GRID1: variants seen among roughly 807,000 people sequenced by gnomAD.
GRID1 encodes the protein glutamate ionotropic receptor delta type subunit 1.
A neutral mutation model predicts 98.0 loss-of-function variants in GRID1; 28 were observed. The ratio of observed to expected loss-of-function variants is 0.29; its 90% CI spans 0.21 to 0.39. The LOEUF (loss-of-function observed/expected upper bound fraction) is 0.39. Among genes scored for constraint, GRID1 ranks in the 10% least tolerant of loss-of-function variants. The pLI is 1.00. For synonymous variants in GRID1, 553 were observed against 538.5 expected, an observed-to-expected ratio of 1.03 and a Z score of -0.37; for missense variants, 1,111 against 1,340.5, an observed-to-expected ratio of 0.83 and a Z score of 2.67.
At chr10:86,138,570 T>C (rs1279464194) in intron 4 of GRID1, among the ~76,000 whole-genome samples, 1 of 152,070 alleles carries the variant, frequency 6.6e-6, no homozygotes, top group Non-Finnish European at 1.5e-5. Flanking sequence ...GTAAACAGGC[T>C]TCCACCAGCC....
intron 2 of GRID1, among the ~76,000 whole-genome samples, chr10:86,341,402 C>T (rs902873707): frequency 4.6e-5 from 7 of 152,230 alleles, no homozygotes; most frequent in Middle Eastern, 3.4e-3. Context: ...GGTACTTACG[C>T]GGGTGCCCCT....
At chr10:85,792,247 C>T (rs192301177) in intron 8 of GRID1, among the ~76,000 whole-genome samples, 262 of 152,272 alleles carry the variant, frequency 1.7e-3, no homozygotes, top group African/African-American at 6.1e-3. Flanking sequence ...CTGACGGTGG[C>T]AGCAGTCGCA....
At chr10:86,114,072 T>C (rs1844534164) in intron 4 of GRID1, among the ~76,000 whole-genome samples, 1 of 151,890 alleles carries the variant, frequency 6.6e-6, no homozygotes, top group Non-Finnish European at 1.5e-5. Flanking sequence ...GTTTCCTCCA[T>C]CTCGGTGGGA....
intron 5 of GRID1, among the ~76,000 whole-genome samples, chr10:85,870,304 T>C (rs1005922658): frequency 6.6e-6 from 1 of 152,218 alleles, no homozygotes; most frequent in African/African-American, 2.4e-5. Context: ...TTTTGGACTC[T>C]TGTACTTACA....
In GRID1 at chr10:85,917,108, C is replaced by T. The variant is rs1018455852; in HGVS notation, c.727-869G>A. On this transcript the variant is annotated intron_variant, in intron 4 of 15. Coordinates refer to ENST00000327946, the MANE Select transcript of GRID1 (RefSeq NM_017551.3). ...CTTTCCCTCTCCTTCAATTGAAAAG[C>T]CAACAGATTGGAAGAATTGGAAGAG... 2.0e-5 allele frequency among the ~76,000 whole-genome samples: 3 copies of T among 152,216 alleles called. No homozygotes were observed. The East Asian group carries it at 5.8e-4, about 30-fold the overall frequency.
At chr10:86,119,192 G>A (rs557527508) in intron 4 of GRID1, among the ~76,000 whole-genome samples, 9 of 152,046 alleles carry the variant, frequency 5.9e-5, no homozygotes, top group Admixed American at 2.6e-4. Context: ...AAAATTATCC[G>A]GGCATGGTGG....
intron 4 of GRID1, among the ~76,000 whole-genome samples, chr10:86,066,966 T>C (rs1843728258): frequency 1.3e-5 from 2 of 152,162 alleles, no homozygotes; most frequent in African/African-American, 4.8e-5. Context: ...CATGAAGCCC[T>C]TGAAACTACA....
In GRID1 at chr10:85,681,097, T is replaced by A. The variant is rs56308410; in HGVS notation, c.1998-33700A>T. ...CGTCACTACGCAATATATCCATGCA[T>A]CAAAACTGCACTTGTACTCTCTCAA... On this transcript the variant is annotated intron_variant, in intron 12 of 15. Transcript: ENST00000327946. 3.2e-3 allele frequency among the ~76,000 whole-genome samples: 489 copies of A among 152,260 alleles called. 3 individuals carry two copies. The highest frequency in any genetic ancestry group is 0.011 in the African/African-American group (477 of 41,538).
intron 12 of GRID1, among the ~76,000 whole-genome samples, chr10:85,659,967 C>A (rs1840947004): frequency 6.6e-6 from 1 of 152,200 alleles, no homozygotes; most frequent in Admixed American, 6.5e-5. Context: ...CTCCAAGATG[C>A]CTGAGCTATC....
chr10:86,136,991 C>CA (rs796904650), intron 4 of GRID1, among the ~76,000 whole-genome samples: 25 of 147,182 alleles, frequency 1.7e-4, no homozygotes, highest in East Asian at 3.9e-4. Context: ...AATGGTCTGA[C>CA]AAAAAAAAAA....
intron 5 of GRID1, among the ~76,000 whole-genome samples, chr10:85,870,310 T>C (rs1057090067): frequency 1.3e-5 from 2 of 152,194 alleles, no homozygotes; most frequent in Admixed American, 1.3e-4. Flanking sequence ...ACTCTTGTAC[T>C]TACACCAGCG....
At chr10:85,646,902 C>T (rs753380614) in intron 13 of GRID1, 7 of 410,350 alleles carry the variant, frequency 1.7e-5, no homozygotes, top group Admixed American at 7.1e-5. Context: ...GTTCTCACCT[C>T]GGGTGGACAG....
chr10:85,863,235 C>T (rs530037852), intron 6 of GRID1, among the ~76,000 whole-genome samples: 72 of 152,294 alleles, frequency 4.7e-4, no homozygotes, highest in African/African-American at 1.6e-3. Context: ...CTGGTGAGGA[C>T]GTGCTTTTTG....
Position 85,735,350 on chromosome 10 carries a change from G to A in GRID1, c.1234-5736C>T, listed in dbSNP as rs945755646. Among the ~76,000 whole-genome samples the A allele has an allele frequency of 5.3e-5, 8 of 152,158 alleles. No individual in the cohort carries two copies. In the South Asian group the frequency reaches 1.7e-3, roughly 32 times the overall value. On this transcript the variant is annotated intron_variant, in intron 8 of 15. Transcript: ENST00000327946. ...TCTACCCAAACCAGAAATGTGGATG[G>A]AGCCAGAGGTTATAGCACAATCATC...
chr10:85,926,442 G>A (rs2131829974), intron 4 of GRID1, among the ~76,000 whole-genome samples: 1 of 152,252 alleles, frequency 6.6e-6, no homozygotes, highest in African/African-American at 2.4e-5. Flanking sequence ...CTTTAAGACA[G>A]CCCCTCTCCA....
intron 2 of GRID1, among the ~76,000 whole-genome samples, chr10:86,317,291 C>T (rs897765575): frequency 6.6e-6 from 1 of 152,116 alleles, no homozygotes; most frequent in African/African-American, 2.4e-5. Context: ...CCAGGCCTGG[C>T]TGGCTCATCC....
rs551804285 is a variant in GRID1 at position 85,894,382 on chromosome 10, C to CA, written c.780+21803dup. Among the ~76,000 whole-genome samples, 93 of 151,846 alleles carry CA rather than the reference C, an allele frequency of 6.1e-4. 1 individual carries two copies. The highest frequency in any genetic ancestry group is 2.1e-3 in the African/African-American group (88 of 41,420). The stretch of plus-strand genomic sequence containing the variant: ...AATATGCTGAGTGAAATAAGCTCCA[C>CA]AAAAAAAGAGTATAATACAGGTATG... On this transcript the variant is annotated intron_variant, in intron 5 of 15. Transcript: ENST00000327946.
chr10:86,118,113 TACAC>T (rs1247210832), intron 4 of GRID1, among the ~76,000 whole-genome samples: 1 of 151,636 alleles, frequency 6.6e-6, no homozygotes, highest in Non-Finnish European at 1.5e-5. Context: ...TAGATATATA[TACAC>T]ACACACACAC....
intron 8 of GRID1, among the ~76,000 whole-genome samples, chr10:85,827,124 G>T (rs1381618801): frequency 5.3e-5 from 8 of 152,118 alleles, no homozygotes. Flanking sequence ...TCTTAATGAG[G>T]CTGTAATGGC....
Sources: gnomAD v4.1 joint callset for allele counts (sites outside exome capture counted in the v4.1 genomes callset) on GRCh38, gnomAD v4.1.1 for gene constraint, MANE v1.5 for transcripts, NCBI Gene and HGNC (gene_info 2026-07-23, HGNC 2026-07-21) for gene names.